RSPO2: variants seen among roughly 807,000 people sequenced by gnomAD.
RSPO2 encodes the protein R-spondin-2.
In RSPO2, 14 loss-of-function variants were observed where a neutral mutation model predicts 30.9. The observed-to-expected ratio is 0.45, with a 90% CI of 0.30 to 0.71. The LOEUF (loss-of-function observed/expected upper bound fraction) is 0.71. Ranked by LOEUF, RSPO2 falls within the 30% of genes least tolerant of loss-of-function variation. The pLI, the probability that RSPO2 is intolerant of heterozygous loss-of-function variation, is 0.08. For missense variants in RSPO2, 264 were observed against 301.9 expected, an observed-to-expected ratio of 0.87 and a Z score of 0.93; for synonymous variants, 107 against 96.4, an observed-to-expected ratio of 1.11 and a Z score of -0.64.
intron 2 of RSPO2, among the ~76,000 whole-genome samples, chr8:107,994,938 G>A (rs540794211): frequency 1.3e-5 from 2 of 151,568 alleles, no homozygotes; most frequent in East Asian, 2.0e-4. Flanking sequence ...GCAACTTGCA[G>A]CAAATCTACA....
intron 2 of RSPO2, among the ~76,000 whole-genome samples, chr8:108,054,570 GAGGCAAAAGAAAAGGATTTTGAT>G (rs1222764056): frequency 6.6e-6 from 1 of 152,204 alleles, no homozygotes; most frequent in Non-Finnish European, 1.5e-5. Flanking sequence ...ACAGCCCCAA[GAGGCAAAAGAAAAGGATTTTGAT>G]AGACAGTGTT....
chr8:107,903,815 A>ATTCCTCG (rs1811551178), intron 5 of RSPO2, among the ~76,000 whole-genome samples: 1 of 151,996 alleles, frequency 6.6e-6, no homozygotes, highest in African/African-American at 2.4e-5. Flanking sequence ...TTCTCACATA[A>ATTCCTCG]GACATATTGC....
chr8:107,901,694 A>AATGAC (rs1811472417), intron 5 of RSPO2, among the ~76,000 whole-genome samples: 1 of 152,278 alleles, frequency 6.6e-6, no homozygotes, highest in Non-Finnish European at 1.5e-5. Context: ...CAATGTATAA[A>AATGAC]ATGACATATG....
At chr8:108,040,955 A>C (rs892751573) in intron 2 of RSPO2, among the ~76,000 whole-genome samples, 14 of 152,174 alleles carry the variant, frequency 9.2e-5, no homozygotes, top group Non-Finnish European at 2.1e-4. Context: ...AATGTTGAGC[A>C]AAACAGTAAT....
chr8:108,039,122 G>C (rs577178268), intron 2 of RSPO2, among the ~76,000 whole-genome samples: 3 of 152,024 alleles, frequency 2.0e-5, no homozygotes, highest in Non-Finnish European at 2.9e-5. Context: ...CATTTTTCCT[G>C]ACATTTCCAT....
At position 108,001,348 on chromosome 8, in the gene RSPO2, C is replaced by G. The variant is rs115286635; in HGVS notation, c.95-12104G>C. 4.1e-3 allele frequency among the ~76,000 whole-genome samples: 627 copies of G among 152,276 alleles called. 5 individuals are homozygous for G. The highest frequency in any genetic ancestry group is 0.014 in the African/African-American group (602 of 41,552). On this transcript the variant is annotated intron_variant, in intron 2 of 5. Coordinates refer to ENST00000276659, the MANE Select transcript of RSPO2 (RefSeq NM_178565.5). ...CCTCAATTTAGCATAAACAATTCCC[C>G]AAATGATGAAGCCCTTCCCATAATT... is the stretch of plus-strand genomic sequence containing the variant.
chr8:107,983,296 A>G, intron 3 of RSPO2: 1 of 1,599,402 alleles, frequency 6.3e-7, no homozygotes, highest in Non-Finnish European at 8.5e-7. Flanking sequence ...GGAATTGCAA[A>G]GGGATAGCCA....
intron 3 of RSPO2, among the ~76,000 whole-genome samples, chr8:107,970,434 C>T (rs1813955268): frequency 6.6e-6 from 1 of 151,892 alleles, no homozygotes; most frequent in Non-Finnish European, 1.5e-5. Context: ...TACTGAAATC[C>T]CTGGGGTACC....
At chr8:107,906,671 C>A (rs1811658570) in intron 5 of RSPO2, among the ~76,000 whole-genome samples, 1 of 151,904 alleles carries the variant, frequency 6.6e-6, no homozygotes, top group African/African-American at 2.4e-5. Context: ...TTCTAGAAAG[C>A]AGTTCAAGTG....
In RSPO2 at chr8:107,954,677, C is replaced by T. The variant is rs866351350; in HGVS notation, c.616+3403G>A. Among the ~76,000 whole-genome samples, 4 of 152,152 alleles carry T rather than the reference C, an allele frequency of 2.6e-5. No homozygotes were observed. The South Asian group carries it at 8.3e-4, about 32-fold the overall frequency. On this transcript the variant is annotated intron_variant, in intron 5 of 5. Coordinates refer to ENST00000276659, the MANE Select transcript of RSPO2 (RefSeq NM_178565.5). Reference sequence around the variant, plus strand: ...CCAGGCTGGAGTGCAGTGGCACGATCTTGGCTCAATGCAACTTCCACCTCC... The same window carrying T: ...CCAGGCTGGAGTGCAGTGGCACGATTTTGGCTCAATGCAACTTCCACCTCC...
At chr8:107,909,261 T>TG (rs59607581) in intron 5 of RSPO2, among the ~76,000 whole-genome samples, 53,910 of 107,488 alleles carry the variant, frequency 0.5, 12,316 homozygotes, top group East Asian at 0.7. Context: ...TCCCAGTTGT[T>TG]TTTTTTTTTT....
intron 2 of RSPO2, among the ~76,000 whole-genome samples, chr8:108,063,740 A>G (rs1274055706): frequency 6.6e-6 from 1 of 152,000 alleles, no homozygotes; most frequent in African/African-American, 2.4e-5. Context: ...AAGCCAAAAG[A>G]ACAAAGCTGG....
At chr8:108,009,568 C>G in intron 2 of RSPO2, among the ~76,000 whole-genome samples, 1 of 152,256 alleles carries the variant, frequency 6.6e-6, no homozygotes, top group Admixed American at 6.5e-5. Context: ...TGAATATTAA[C>G]TGATAATTTT....
At chr8:108,048,757 T>C (rs941141029) in intron 2 of RSPO2, among the ~76,000 whole-genome samples, 1 of 152,114 alleles carries the variant, frequency 6.6e-6, no homozygotes, top group African/African-American at 2.4e-5. Context: ...TTAATTGTGA[T>C]GTTAGGGTGT....
intron 2 of RSPO2, among the ~76,000 whole-genome samples, chr8:108,060,927 C>T (rs1008184954): frequency 1.3e-5 from 2 of 151,702 alleles, no homozygotes; most frequent in Admixed American, 1.3e-4. Context: ...TCATATCCAG[C>T]CAAACTAAGC....
chr8:108,022,665 C>T (rs1010652664), intron 2 of RSPO2, among the ~76,000 whole-genome samples: 1 of 152,026 alleles, frequency 6.6e-6, no homozygotes, highest in Non-Finnish European at 1.5e-5. Flanking sequence ...GTGGCTCATG[C>T]CTGTAATCTC....
intron 5 of RSPO2, among the ~76,000 whole-genome samples, chr8:107,914,619 T>C (rs893699624): frequency 2.0e-5 from 3 of 152,146 alleles, no homozygotes; most frequent in African/African-American, 4.8e-5. Flanking sequence ...CACTGAGTTA[T>C]TGAGAACAGA....
intron 5 of RSPO2, among the ~76,000 whole-genome samples, chr8:107,929,096 CTG>C (rs1157716895): frequency 2.0e-5 from 3 of 152,188 alleles, no homozygotes; most frequent in Non-Finnish European, 4.4e-5. Flanking sequence ...ACACCATGGA[CTG>C]TGAGTTGTCT....
chr8:107,972,374 G>C (rs1417480384), intron 3 of RSPO2, among the ~76,000 whole-genome samples: 1 of 151,984 alleles, frequency 6.6e-6, no homozygotes, highest in Non-Finnish European at 1.5e-5. Flanking sequence ...TCGAACTCCT[G>C]ACCTCCAGTG....
Sources: gnomAD v4.1 joint callset for allele counts (sites outside exome capture counted in the v4.1 genomes callset) on GRCh38, gnomAD v4.1.1 for gene constraint, MANE v1.5 for transcripts, NCBI Gene and HGNC (gene_info 2026-07-23, HGNC 2026-07-21) for gene names.